Variants in PGAP4 observed in about 807,000 individuals in gnomAD.
PGAP4 encodes GPI-N-acetylgalactosamine transferase PGAP4.
In PGAP4, 12 loss-of-function variants were observed where a neutral mutation model predicts 28.2. The ratio of observed to expected loss-of-function variants is 0.42; its 90% CI spans 0.27 to 0.69. PGAP4 has a LOEUF of 0.69. PGAP4 is among the 30% of genes least tolerant of loss of function. PGAP4 has a pLI of 0.22. For synonymous variants in PGAP4, 205 were observed against 211.8 expected (o/e 0.97, Z 0.28); for missense variants, 425 against 513.5 (o/e 0.83, Z 1.67).
chr9:101,476,110 G>C lies in PGAP4; in HGVS notation c.983C>G (p.Pro328Arg), dbSNP rs777429628. 1.2e-6 allele frequency: 2 copies of C among 1,614,126 alleles called. No individual in the cohort carries two copies. Among genetic ancestry groups the C allele is most frequent in the South Asian group, 2.2e-5 (2 of 91,086 alleles). Residue 328 changes from proline to arginine, a missense_variant, in exon 2 of 2, where the codon CCT becomes CGT. Coordinates refer to ENST00000374848, the MANE Select transcript of PGAP4 (RefSeq NM_032342.3). This position sits in a 1 kb window ranked among gnomAD's most constrained non-coding sequence, Gnocchi z 7.0. ...GGCTGGGGTGCAACACTGAGAGGCA[G>C]GAACCACACTGTACAGGGAAGGACT... ...RLSPSLYSVV[P>R]ASQCCTPAML...
At chr9:101,482,584 A>G (rs752733791) in intron 1 of PGAP4, among the ~76,000 whole-genome samples, 1 of 152,204 alleles carries the variant, frequency 6.6e-6, no homozygotes, top group African/African-American at 2.4e-5. Context: ...AAACTATTCA[A>G]TGATTCCCCC....
At position 101,501,743 on chromosome 9, in the gene PGAP4, T is replaced by A. The variant is rs1329218354; in HGVS notation, c.-164-12543A>T. The A allele has an allele frequency of 5.8e-6, 3 of 519,006 alleles. No individual in the cohort carries two copies. The East Asian group carries it at 1.6e-4, about 28-fold the overall frequency. 32.2% of individuals were successfully genotyped at this position (519,006 alleles called of 1,614,324 possible). A position where few individuals can be genotyped will look rare whatever the true frequency, so the allele number is the denominator to read the frequency against. ...ACCCAGTTTGTTCCAGGGCTCTGGG[T>A]TATTCTTTCTGTCCCAACTAACATC... is the stretch of plus-strand genomic sequence containing the variant. On this transcript the variant is annotated intron_variant, in intron 2 of 3. Transcript: ENST00000374851.
At chr9:101,524,943 G>T (rs915840226) in intron 2 of PGAP4, among the ~76,000 whole-genome samples, 1 of 152,162 alleles carries the variant, frequency 6.6e-6, no homozygotes, top group South Asian at 2.1e-4. Flanking sequence ...GCTCCCACAC[G>T]CTGCTCTGTC....
At chr9:101,495,477 A>G (rs1036007437) in intron 2 of PGAP4, among the ~76,000 whole-genome samples, 7 of 138,384 alleles carry the variant, frequency 5.1e-5, no homozygotes, top group Admixed American at 2.4e-4. Flanking sequence ...TATATATAAT[A>G]TATATAGGCT....
At chr9:101,494,592 A>C (rs1826721032) in intron 2 of PGAP4, among the ~76,000 whole-genome samples, 1 of 151,842 alleles carries the variant, frequency 6.6e-6, no homozygotes, top group South Asian at 2.1e-4. Flanking sequence ...GTTTTGTATT[A>C]GAGTTATGGA....
intron 1 of PGAP4, among the ~76,000 whole-genome samples, chr9:101,478,714 G>C (rs1826397022): frequency 6.6e-6 from 1 of 152,186 alleles, no homozygotes; most frequent in African/African-American, 2.4e-5. Context: ...AGGAGGTACA[G>C]CCACCAGATG....
At chr9:101,532,368 T>C (rs1314360754) in intron 1 of PGAP4, among the ~76,000 whole-genome samples, 2 of 152,176 alleles carry the variant, frequency 1.3e-5, no homozygotes, top group African/African-American at 2.4e-5. Context: ...ATCATCAACA[T>C]TTTTTAGAGA....
upstream of PGAP4, chr9:101,487,322 A>G (rs1463192523): frequency 6.6e-6 from 1 of 152,252 alleles, no homozygotes; most frequent in African/African-American, 2.4e-5. Context: ...ATTATATTTC[A>G]TCAGGTGTGT....
chr9:101,501,758 C>G, intron 2 of PGAP4: 1 of 518,808 alleles, frequency 1.9e-6, no homozygotes, highest in South Asian at 1.4e-5. Flanking sequence ...CTTTCTGTCC[C>G]AACTAACATC....
intron 1 of PGAP4, among the ~76,000 whole-genome samples, chr9:101,481,043 A>G (rs1039229867): frequency 3.3e-5 from 5 of 152,102 alleles, no homozygotes; most frequent in African/African-American, 9.7e-5. Flanking sequence ...CAGGCATGGT[A>G]GCATGTTCCT....
intron 2 of PGAP4, among the ~76,000 whole-genome samples, chr9:101,499,843 A>T (rs1487693193): frequency 6.6e-6 from 1 of 152,062 alleles, no homozygotes; most frequent in African/African-American, 2.4e-5. Context: ...TGACTACTTG[A>T]GATTAACTTG....
At chr9:101,521,310 G>A (rs1826987089) in intron 2 of PGAP4, among the ~76,000 whole-genome samples, 1 of 152,040 alleles carries the variant, frequency 6.6e-6, no homozygotes, top group Non-Finnish European at 1.5e-5. Flanking sequence ...TTGAATGCCT[G>A]GTAGAATTCT....
intron 2 of PGAP4, among the ~76,000 whole-genome samples, chr9:101,522,505 T>A (rs765627344): frequency 7.2e-5 from 11 of 152,182 alleles, no homozygotes; most frequent in Non-Finnish European, 1.5e-4. Context: ...TGCTTTAAAG[T>A]TTGTTTTGTC....
At chr9:101,501,355 A>G (rs1826796777) in intron 2 of PGAP4, among the ~76,000 whole-genome samples, 1 of 152,118 alleles carries the variant, frequency 6.6e-6, no homozygotes. Context: ...ATGGCTGAAC[A>G]ACATGGTACC....
rs10118022 is a variant in PGAP4, at chr9:101,483,693, T to C, written c.-78+3256A>G. Among the ~76,000 whole-genome samples, 285 of 152,238 alleles carry C rather than the reference T, an allele frequency of 1.9e-3. 3 individuals are homozygous for C. Among genetic ancestry groups the C allele is most frequent in the African/African-American group, 6.4e-3 (267 of 41,542 alleles). The stretch of plus-strand genomic sequence containing the variant: ...TCCATATCTGTATCTATATTATCTA[T>C]ATTATAATGACTGCTTTCATGTACA... On this transcript the variant is annotated intron_variant, in intron 1 of 1. Coordinates refer to ENST00000374848, the MANE Select transcript of PGAP4 (RefSeq NM_032342.3).
chr9:101,504,109 A>G (rs190529045), intron 2 of PGAP4, among the ~76,000 whole-genome samples: 1 of 151,816 alleles, frequency 6.6e-6, no homozygotes, highest in East Asian at 1.9e-4. Context: ...AGCCAGCATG[A>G]TAAGGAAGTC....
At chr9:101,491,587 A>G (rs1045776070), upstream of PGAP4, among the ~76,000 whole-genome samples, 4 of 152,072 alleles carry the variant, frequency 2.6e-5, no homozygotes, top group African/African-American at 9.7e-5. Context: ...CCTGATTCAG[A>G]TCAAAATATT....
intron 2 of PGAP4, among the ~76,000 whole-genome samples, chr9:101,507,540 C>T (rs1826857990): frequency 6.6e-6 from 1 of 152,090 alleles, no homozygotes; most frequent in Non-Finnish European, 1.5e-5. Flanking sequence ...TCTTGAACCC[C>T]TAAAAGCTCA....
chr9:101,487,384 C>G (rs572990887), upstream of PGAP4, among the ~76,000 whole-genome samples: 26 of 152,352 alleles, frequency 1.7e-4, no homozygotes, highest in African/African-American at 5.8e-4. Context: ...TGCGTGTAAA[C>G]GCTTCATGAG....
Sources: gnomAD v4.1 joint callset for allele counts (sites outside exome capture counted in the v4.1 genomes callset) on GRCh38, gnomAD v4.1.1 for gene constraint, Gnocchi (gnomAD v3.1) non-coding constraint, MANE v1.5 for transcripts, NCBI Gene and HGNC (gene_info 2026-07-23, HGNC 2026-07-21) for gene names.